CEP128: variants seen among roughly 807,000 people sequenced by gnomAD.
CEP128 encodes the protein centrosomal protein 128, also known as centrosomal protein 128kDa.
In CEP128, 132 loss-of-function variants were observed where a neutral mutation model predicts 156.7. The ratio of observed to expected loss-of-function variants is 0.84; its 90% CI spans 0.73 to 0.97. CEP128 has a LOEUF of 0.97. Among genes scored for constraint, CEP128 ranks in the 50% least tolerant of loss-of-function variants. CEP128 has a pLI of 0.00. For missense variants in CEP128, 1,252 were observed against 1,281.9 expected, an observed-to-expected ratio of 0.98 and a Z score of 0.36; for synonymous variants, 469 against 448.9, an observed-to-expected ratio of 1.04 and a Z score of -0.57.
At chr14:80,501,941 C>G (rs1887756217) in intron 24 of CEP128, among the ~76,000 whole-genome samples, 1 of 152,132 alleles carries the variant, frequency 6.6e-6, no homozygotes. Context: ...CAACACGACA[C>G]ACCTGTCGCC....
chr14:80,519,262 C>A (rs1006823352), intron 23 of CEP128, among the ~76,000 whole-genome samples: 3 of 152,142 alleles, frequency 2.0e-5, no homozygotes, highest in Non-Finnish European at 2.9e-5. Context: ...GGGCTTCTTC[C>A]ACTTCTCTTT....
At chr14:80,836,762 G>C (rs1026825092) in intron 11 of CEP128, among the ~76,000 whole-genome samples, 1 of 152,156 alleles carries the variant, frequency 6.6e-6, no homozygotes, top group Non-Finnish European at 1.5e-5. Flanking sequence ...CTCAAAATAA[G>C]TATGTAATAG....
chr14:80,594,511 A>T (rs1243993499), intron 19 of CEP128, among the ~76,000 whole-genome samples: 1 of 152,216 alleles, frequency 6.6e-6, no homozygotes, highest in Non-Finnish European at 1.5e-5. Context: ...CAGCAAAAGG[A>T]ACTATCATCA....
intron 23 of CEP128, among the ~76,000 whole-genome samples, chr14:80,513,290 C>T (rs139215545): frequency 6.6e-6 from 1 of 152,156 alleles, no homozygotes; most frequent in African/African-American, 2.4e-5. Context: ...TTAAATATGT[C>T]ATGCCTGCCT....
At chr14:80,669,560 G>C (rs760958849) in intron 19 of CEP128, among the ~76,000 whole-genome samples, 1 of 152,082 alleles carries the variant, frequency 6.6e-6, no homozygotes, top group Non-Finnish European at 1.5e-5. Flanking sequence ...AAGCATATGA[G>C]AAAATGTTCA....
chr14:80,836,346 T>A lies in CEP128; in HGVS notation c.925-9A>T, dbSNP rs776866000. ...GTACGCAGTTCTTCTACCTAACACA[T>A]GGTCAAAAATCAAACATCGGTTTTC... On this transcript the variant is annotated splice_polypyrimidine_tract_variant and intron_variant, in intron 11 of 24. Transcript: ENST00000555265. 5 of 1,613,434 alleles carry A rather than the reference T, an allele frequency of 3.1e-6. No individual in the cohort carries two copies. The highest frequency in any genetic ancestry group is 4.2e-6 in the Non-Finnish European group (5 of 1,179,758).
At chr14:80,946,371 ATCATGATGATGCC>A (rs985527327), upstream of CEP128, among the ~76,000 whole-genome samples, 9 of 94,550 alleles carry the variant, frequency 9.5e-5, no homozygotes, top group African/African-American at 3.6e-4. Context: ...CTCATGATGC[ATCATGATGATGCC>A]TCATGATGAT....
At position 80,785,969 on chromosome 14, in the gene CEP128, C is replaced by T. The variant is rs192024874; in HGVS notation, c.1561-424G>A. Among the ~76,000 whole-genome samples, 1,250 of 152,012 alleles carry T rather than the reference C, an allele frequency of 8.2e-3. 15 individuals are homozygous for T. Among genetic ancestry groups the T allele is most frequent in the Non-Finnish European group, 0.01 (682 of 67,980 alleles). On this transcript the variant is annotated intron_variant, in intron 14 of 24. Coordinates refer to ENST00000555265, the MANE Select transcript of CEP128 (RefSeq NM_152446.5). ...ATACACTTTTAAAAAGGAGAAACCC[C>T]AAAACAGAGATGGAAAATAATATAG...
At chr14:80,549,631 T>C (rs1890129540) in intron 21 of CEP128, among the ~76,000 whole-genome samples, 1 of 152,154 alleles carries the variant, frequency 6.6e-6, no homozygotes, top group Admixed American at 6.5e-5. Flanking sequence ...TAATTAACAG[T>C]TATTTGGCCA....
intron 9 of CEP128, among the ~76,000 whole-genome samples, chr14:80,842,741 G>GA (rs113964824): frequency 1.5e-4 from 22 of 150,566 alleles, no homozygotes; most frequent in African/African-American, 2.4e-4. Context: ...TATAAAAGAA[G>GA]AAAAAAAAAT....
intron 19 of CEP128, among the ~76,000 whole-genome samples, chr14:80,609,251 A>C (rs1892903485): frequency 6.6e-6 from 1 of 152,178 alleles, no homozygotes. Context: ...GTAATTGGGA[A>C]GGGCTAGGCA....
downstream of CEP128, among the ~76,000 whole-genome samples, chr14:80,486,624 G>A (rs1018229307): frequency 6.6e-5 from 10 of 152,302 alleles, no homozygotes; most frequent in Admixed American, 2.6e-4. Context: ...AGAGAGAAAC[G>A]TTGGGTTACC....
At chr14:80,675,368 G>C (rs1178872247) in intron 19 of CEP128, among the ~76,000 whole-genome samples, 1 of 152,006 alleles carries the variant, frequency 6.6e-6, no homozygotes, top group African/African-American at 2.4e-5. Flanking sequence ...AACTTTATAA[G>C]ATGTTTTTTA....
intron 7 of CEP128, 57 bp downstream of exon 7, chr14:80,899,881 G>T: frequency 8.5e-7 from 1 of 1,176,004 alleles, no homozygotes; most frequent in Non-Finnish European, 1.3e-6. Flanking sequence ...AATTACAGAA[G>T]CTAATTTATT....
chr14:80,844,072 T>C (rs1359315178), intron 9 of CEP128, among the ~76,000 whole-genome samples: 2 of 152,024 alleles, frequency 1.3e-5, no homozygotes, highest in South Asian at 2.1e-4. Context: ...AAATTAGAGA[T>C]TCCTCCCCCA....
intron 19 of CEP128, among the ~76,000 whole-genome samples, chr14:80,642,325 A>T (rs1372296111): frequency 6.6e-6 from 1 of 152,170 alleles, no homozygotes; most frequent in Non-Finnish European, 1.5e-5. Context: ...TTAGTAGAAC[A>T]TGGGATGTGT....
intron 19 of CEP128, among the ~76,000 whole-genome samples, chr14:80,618,484 A>C (rs544062579): frequency 1.8e-4 from 27 of 152,366 alleles, no homozygotes; most frequent in Middle Eastern, 6.8e-3. Flanking sequence ...GGGATAAAAC[A>C]AATACATAGT....
intron 2 of CEP128, chr14:80,955,206 G>C (rs1239020692): frequency 3.7e-6 from 1 of 267,512 alleles, no homozygotes; most frequent in Non-Finnish European, 7.4e-6. Flanking sequence ...CTCTGGATAA[G>C]GAGTGCGTGC....
intron 21 of CEP128, among the ~76,000 whole-genome samples, chr14:80,534,306 T>C (rs572221157): frequency 6.6e-6 from 1 of 152,286 alleles, no homozygotes; most frequent in South Asian, 2.1e-4. Flanking sequence ...AAAATTATTT[T>C]CACCCCAAAG....
Sources: allele counts gnomAD v4.1 joint callset (sites outside exome capture counted in the v4.1 genomes callset), GRCh38; gene constraint gnomAD v4.1.1; transcripts MANE v1.5; gene names NCBI Gene and HGNC (gene_info 2026-07-23, HGNC 2026-07-21).